HPD: variants seen among roughly 807,000 people sequenced by gnomAD.
HPD encodes 4-hydroxyphenylpyruvic acid oxidase.
In HPD, 35 loss-of-function variants were observed where a neutral mutation model predicts 56.9. The ratio of observed to expected loss-of-function variants is 0.62; its 90% confidence interval spans 0.47 to 0.82. The LOEUF (loss-of-function observed/expected upper bound fraction) is 0.82, where lower values mean the gene tolerates loss of function less well. HPD is among the 40% of genes least tolerant of loss of function. The pLI is 0.00. For missense variants in HPD, 442 were observed against 506.8 expected, an observed-to-expected ratio of 0.87 and a Z score of 1.23; for synonymous variants, 186 against 200.2, an observed-to-expected ratio of 0.93 and a Z score of 0.60.
the HPD span, among the ~76,000 whole-genome samples, chr12:121,883,859 T>G: frequency 1.4e-4 from 21 of 152,062 alleles, no homozygotes; most frequent in African/African-American, 4.8e-4. Context: ...ATTTGCTAAT[T>G]GTTACATTTT....
chr12:121,869,507 A>G, the HPD span, among the ~76,000 whole-genome samples: 1 of 151,710 alleles, frequency 6.6e-6, no homozygotes, highest in African/African-American at 2.4e-5. Context: ...TATATTCTAG[A>G]TATAAATCCC....
Position 121,855,689 on chromosome 12 carries a change from C to G in HPD, c.324+635G>C, listed in dbSNP as rs1877965708. On this transcript the variant is annotated intron_variant, in intron 6 of 13. Coordinates refer to ENST00000289004, the MANE Select transcript of HPD (RefSeq NM_002150.3). ...CCAAGATTGCGCCACTGCTCTCCAG[C>G]CTGGGCAACAGAGCAAGACTCTGAC... Among the ~76,000 whole-genome samples the G allele has an allele frequency of 2.0e-5, 3 of 151,256 alleles. No individual in the cohort carries two copies. In the South Asian group the frequency reaches 6.2e-4, roughly 31 times the overall value.
chr12:121,844,997 T>C (rs2137612973), intron 11 of HPD, among the ~76,000 whole-genome samples: 1 of 151,312 alleles, frequency 6.6e-6, no homozygotes, highest in East Asian at 1.9e-4. Flanking sequence ...GGCAGGAGAA[T>C]CGCTTGAACC....
intron 8 of HPD, among the ~76,000 whole-genome samples, chr12:121,849,344 C>T (rs1877687726): frequency 6.6e-6 from 1 of 152,044 alleles, no homozygotes; most frequent in Non-Finnish European, 1.5e-5. Context: ...ACTTATGTAG[C>T]ATTTACTAAT....
rs766105515 is a variant in HPD, at chr12:121,856,401, C to T, written c.247G>A (p.Gly83Ser). Residue 83 changes from glycine (G) to serine (S), a missense_variant, in exon 6 of 14, where the codon GGC (glycine) becomes AGC (serine). By Grantham distance (56) the Gly-to-Ser change is moderately conservative. Transcript: ENST00000289004. ...TCACCGTGTTTCACCAGGTGATCGC[C>T]CATCTCTGTGGCCGGCAGGGAGAGG... ...SALNPWNKEM[G>S]DHLVKHGDGV... 52 of 1,613,970 alleles carry T rather than the reference C, an allele frequency of 3.2e-5. No homozygotes were observed. In the Admixed American group the frequency reaches 8.7e-4, roughly 27 times the overall value.
chr12:121,859,445 A>C (rs1373443635), upstream of HPD, among the ~76,000 whole-genome samples: 1 of 152,158 alleles, frequency 6.6e-6, no homozygotes, highest in African/African-American at 2.4e-5. Flanking sequence ...GGACACTCTC[A>C]GTGTTGGTTA....
chr12:121,868,513 CTTTTTT>C (rs1878382984), upstream of HPD, among the ~76,000 whole-genome samples: 5 of 135,236 alleles, frequency 3.7e-5, no homozygotes, highest in Admixed American at 3.0e-4. Flanking sequence ...CTATTTCTTT[CTTTTTT>C]CTTTTTTTTT....
Position 121,847,176 on chromosome 12 carries a change from A to G in HPD, c.635T>C (p.Val212Ala). ...TTCCGTGTGCACCTGCGTGTCATCC[A>G]CGGACCAGAAGCGGTGGAACTGCAG... ...KNLQFHRFWS[V>A]DDTQVHTEYS... is the part of the protein sequence containing the mutation. Residue 212 changes from valine (V) to alanine (A), a missense_variant, in exon 10 of 14, where the codon GTG (valine) becomes GCG (alanine). Physicochemically the swap from Val to Ala is moderately conservative, Grantham distance 64. Coordinates refer to ENST00000289004, the MANE Select transcript of HPD (RefSeq NM_002150.3). 1 of 1,614,148 alleles carries G rather than the reference A, an allele frequency of 6.2e-7. No individual in the cohort carries two copies. Among genetic ancestry groups the G allele is most frequent in the Non-Finnish European group, 8.5e-7 (1 of 1,180,020 alleles).
chr12:121,846,952 G>A lies in HPD; in HGVS notation c.760-19C>T. 1 of 1,613,712 alleles carries A rather than the reference G, an allele frequency of 6.2e-7. No homozygotes were observed. The highest frequency in any genetic ancestry group is 8.5e-7 in the Non-Finnish European group (1 of 1,179,834). ...CATATTCCTGGGGGAGGGAAACAAG[G>A]AGACCACTGTCATTTGCCCCATCAC... On this transcript the variant is annotated intron_variant, in intron 10 of 13. Coordinates refer to ENST00000289004, the MANE Select transcript of HPD (RefSeq NM_002150.3).
chr12:121,872,373 G>A, the HPD span, among the ~76,000 whole-genome samples: 2 of 151,564 alleles, frequency 1.3e-5, no homozygotes, highest in African/African-American at 4.8e-5. Flanking sequence ...ACTAACAGGA[G>A]CCCGCCACCA....
At chr12:121,887,223 T>A in the HPD span, among the ~76,000 whole-genome samples, 1 of 151,240 alleles carries the variant, frequency 6.6e-6, no homozygotes, top group East Asian at 1.9e-4. Context: ...TTATTATTTT[T>A]TTTTTTTTGT....
upstream of HPD, among the ~76,000 whole-genome samples, chr12:121,861,588 T>C (rs140076033): frequency 6.6e-6 from 1 of 152,226 alleles, no homozygotes; most frequent in East Asian, 1.9e-4. Flanking sequence ...TTTGCTAATA[T>C]TACAGCTTCT....
At chr12:121,876,992 G>T in the HPD span, among the ~76,000 whole-genome samples, 7 of 151,652 alleles carry the variant, frequency 4.6e-5, no homozygotes, top group Non-Finnish European at 8.8e-5. Context: ...TACAAGGGAG[G>T]CTGAGGCAGG....
At chr12:121,851,044 G>C (rs1318746686) in intron 7 of HPD, among the ~76,000 whole-genome samples, 1 of 151,840 alleles carries the variant, frequency 6.6e-6, no homozygotes, top group Non-Finnish European at 1.5e-5. Context: ...TGTATTTTTA[G>C]TAGAGATGGG....
At chr12:121,877,192 C>T in the HPD span, among the ~76,000 whole-genome samples, 1 of 152,114 alleles carries the variant, frequency 6.6e-6, no homozygotes, top group Admixed American at 6.6e-5. Context: ...AACACAACCA[C>T]CCTGTGAGGG....
the HPD span, among the ~76,000 whole-genome samples, chr12:121,888,158 A>G: frequency 6.6e-6 from 1 of 152,234 alleles, no homozygotes; most frequent in African/African-American, 2.4e-5. Context: ...CGTTATTATT[A>G]TCACTACGAT....
chr12:121,856,660 C>T (rs1210056352), intron 4 of HPD, 35 bp from the exon 5 acceptor site: 1 of 1,607,994 alleles, frequency 6.2e-7, no homozygotes, highest in East Asian at 2.2e-5. Flanking sequence ...AGGCTAGTGG[C>T]TCAGGGGGGC....
intron 12 of HPD, among the ~76,000 whole-genome samples, 160 bp from the exon 13 acceptor site, chr12:121,840,208 C>T (rs1877362499): frequency 1.3e-5 from 2 of 152,200 alleles, no homozygotes; most frequent in Admixed American, 6.6e-5. Flanking sequence ...TTACTATCCC[C>T]CTACTACAGT....
At chr12:121,874,850 C>G in the HPD span, among the ~76,000 whole-genome samples, 1 of 151,772 alleles carries the variant, frequency 6.6e-6, no homozygotes, top group Non-Finnish European at 1.5e-5. Flanking sequence ...CAACCTCTGC[C>G]TCCCGGGTTC....
Sources: gnomAD v4.1 joint callset for allele counts (sites outside exome capture counted in the v4.1 genomes callset) on GRCh38, gnomAD v4.1.1 for gene constraint, MANE v1.5 for transcripts, NCBI Gene and HGNC (gene_info 2026-07-23, HGNC 2026-07-21) for gene names.